Variants in MFSD1 observed in about 807,000 individuals in gnomAD.
MFSD1 encodes major facilitator superfamily domain containing 1.
In MFSD1, 59 loss-of-function variants were observed where a neutral mutation model predicts 67.1. The ratio of observed to expected loss-of-function variants is 0.88; its 90% CI spans 0.71 to 1.09. The LOEUF (loss-of-function observed/expected upper bound fraction) is 1.09, where lower values mean the gene tolerates loss of function less well. Ranked by LOEUF, MFSD1 falls within the 50% of genes least tolerant of loss-of-function variation. MFSD1 has a pLI of 0.00. For missense variants in MFSD1, 552 were observed against 566.1 expected (o/e 0.97, Z 0.25); for synonymous variants, 213 against 200.3 (o/e 1.06, Z -0.54).
At chr3:158,819,960 T>C (rs1015585667) in intron 8 of MFSD1, among the ~76,000 whole-genome samples, 1 of 152,236 alleles carries the variant, frequency 6.6e-6, no homozygotes, top group African/African-American at 2.4e-5. Flanking sequence ...CATTCTCGAT[T>C]GTATATTTGC....
rs370407475 is a variant in MFSD1 at position 158,821,971 on chromosome 3, G to A, written c.921-13G>A. On this transcript the variant is annotated splice_polypyrimidine_tract_variant and intron_variant, in intron 10 of 15. Transcript: ENST00000415822. Reference sequence around the variant, plus strand: ...TTGCATTTCATGAAATGTCTTATGTGTTCTCTGGGCAGTGTTGTATATGTC... The same window carrying A: ...TTGCATTTCATGAAATGTCTTATGTATTCTCTGGGCAGTGTTGTATATGTC... The A allele has an allele frequency of 1.9e-6, 3 of 1,605,708 alleles. No individual in the cohort carries two copies. Among genetic ancestry groups the A allele is most frequent in the Non-Finnish European group, 2.6e-6 (3 of 1,173,210 alleles).
At chr3:158,812,563 T>C (rs1163772338) in intron 6 of MFSD1, among the ~76,000 whole-genome samples, 1 of 152,138 alleles carries the variant, frequency 6.6e-6, no homozygotes, top group African/African-American at 2.4e-5. Flanking sequence ...TCTGACCACT[T>C]CCCACCATGC....
intron 13 of MFSD1, among the ~76,000 whole-genome samples, chr3:158,824,852 T>C (rs1730879523): frequency 6.6e-6 from 1 of 152,222 alleles, no homozygotes; most frequent in South Asian, 2.1e-4. Flanking sequence ...TTTTCATTTA[T>C]AGGGAATAAA....
At chr3:158,804,771 A>T (rs1729639320) in intron 2 of MFSD1, among the ~76,000 whole-genome samples, 1 of 152,158 alleles carries the variant, frequency 6.6e-6, no homozygotes, top group Admixed American at 6.5e-5. Context: ...GTGGATACTG[A>T]TTGCAGAGGA....
chr3:158,803,503 T>C (rs1326859847), intron 1 of MFSD1, among the ~76,000 whole-genome samples: 1 of 151,096 alleles, frequency 6.6e-6, no homozygotes, highest in Non-Finnish European at 1.5e-5. Context: ...AAAAAAATGG[T>C]CCCCACTCAA....
Position 158,820,214 on chromosome 3 carries a change from G to A in MFSD1, c.752-1G>A. On this transcript the variant is annotated splice_acceptor_variant, in intron 8 of 15. Coordinates refer to ENST00000415822, the MANE Select transcript of MFSD1 (RefSeq NM_022736.4). LOFTEE classifies it high-confidence loss of function. ...ATAGTGTCTTCCCTTTCTTCTCTAAGGTGAAGTTATTAAATTAACTGATGT... is the reference window on the plus strand; with the variant it reads ...ATAGTGTCTTCCCTTTCTTCTCTAAAGTGAAGTTATTAAATTAACTGATGT... The A allele has an allele frequency of 6.5e-7, 1 of 1,545,070 alleles. No homozygotes were observed. Among genetic ancestry groups the A allele is most frequent in the Non-Finnish European group, 8.9e-7 (1 of 1,117,794 alleles).
chr3:158,814,658 A>G (rs1730223641), intron 7 of MFSD1, among the ~76,000 whole-genome samples: 1 of 152,206 alleles, frequency 6.6e-6, no homozygotes, highest in Non-Finnish European at 1.5e-5. Flanking sequence ...CATCTCATAC[A>G]TACAAAGAGA....
rs569106693 is a variant in MFSD1 at position 158,821,548 on chromosome 3, CAG to C, written c.864-46_864-45del. 454 of 1,195,252 alleles carry C rather than the reference CAG, an allele frequency of 3.8e-4. No individual in the cohort carries two copies. The African/African-American group carries it at 6.0e-3, about 16-fold the overall frequency. The allele number at this position is 1,195,252 out of a possible 1,614,324, so 74.0% of individuals were successfully genotyped here. On this transcript the variant is annotated intron_variant, in intron 9 of 15. Coordinates refer to ENST00000415822, the MANE Select transcript of MFSD1 (RefSeq NM_022736.4). ...TTTATTCAACTTTATTTTTTGAAAA[CAG>C]AGTAGTTCTCTCTAATGTGCTAATT...
At chr3:158,820,468 T>G in intron 9 of MFSD1, 142 bp downstream of exon 9, 1 of 603,274 alleles carries the variant, frequency 1.7e-6, no homozygotes, top group East Asian at 2.7e-5. Context: ...GATCCTGGGA[T>G]ATACATTTTC....
intron 4 of MFSD1, 101 bp from the exon 5 acceptor site, chr3:158,807,295 A>C: frequency 9.7e-7 from 1 of 1,034,126 alleles, no homozygotes; most frequent in East Asian, 2.4e-5. Context: ...GAGAAATATT[A>C]AAACTATTGT....
Position 158,802,089 on chromosome 3 carries a change from G to T in MFSD1, c.-64G>T, listed in dbSNP as rs573557858. 7 of 1,584,092 alleles carry T rather than the reference G, an allele frequency of 4.4e-6. No homozygotes were observed. The South Asian group carries it at 5.7e-5, about 13-fold the overall frequency. The stretch of plus-strand genomic sequence containing the variant: ...CCGCCGTCTTGACAGTGTTCCACGG[G>T]CGCTGCTTCCTGCCTGGGTTTGGAG... On this transcript the variant is annotated 5_prime_UTR_variant, in exon 1 of 16. Transcript: ENST00000415822.
intron 11 of MFSD1, 52 bp from the exon 12 acceptor site, chr3:158,823,376 T>G (rs1224889191): frequency 8.0e-6 from 10 of 1,250,570 alleles, no homozygotes; most frequent in African/African-American, 1.5e-5. Context: ...TAAAGGAAAA[T>G]CACCTTTTGG....
At chr3:158,812,610 C>G (rs538202588) in intron 6 of MFSD1, among the ~76,000 whole-genome samples, 9 of 152,206 alleles carry the variant, frequency 5.9e-5, no homozygotes, top group Non-Finnish European at 1.3e-4. Context: ...CCAATCATCT[C>G]TGTTCTGGAT....
At chr3:158,824,522 A>G (rs1576915906) in intron 13 of MFSD1, 1 of 257,450 alleles carries the variant, frequency 3.9e-6, no homozygotes, top group South Asian at 7.5e-5. Flanking sequence ...TCCTGAGTAT[A>G]TCCTTAATGT....
chr3:158,805,602 A>G (rs1008606092), intron 3 of MFSD1, 128 bp downstream of exon 3: 1 of 781,534 alleles, frequency 1.3e-6, no homozygotes, highest in East Asian at 2.6e-5. Context: ...TGAGTTTTTT[A>G]AAAAAATGAT....
chr3:158,819,752 G>T lies in MFSD1; in HGVS notation c.751+5G>T, dbSNP rs750135953. 6.5e-7 allele frequency: 1 copy of T among 1,549,964 alleles called. No individual in the cohort carries two copies. The highest frequency in any genetic ancestry group is 8.9e-7 in the Non-Finnish European group (1 of 1,126,852). On this transcript the variant is annotated splice_donor_5th_base_variant and intron_variant, in intron 8 of 15. Transcript: ENST00000415822. ...ATAAAGAACAAGGAAAAACAGGTAA[G>T]TCTAAATGAAAGAATGGGACTTAGG...
chr3:158,818,266 A>T (rs1355459840), intron 7 of MFSD1, among the ~76,000 whole-genome samples: 1 of 152,122 alleles, frequency 6.6e-6, no homozygotes, highest in Non-Finnish European at 1.5e-5. Flanking sequence ...GTACAATTTG[A>T]TGTTTCCATA....
intron 9 of MFSD1, among the ~76,000 whole-genome samples, chr3:158,821,274 A>G (rs1221340989): frequency 6.6e-6 from 1 of 152,240 alleles, no homozygotes; most frequent in African/African-American, 2.4e-5. Flanking sequence ...TTATTTAGCA[A>G]AGAACCCATT....
rs1193944143 is a variant in MFSD1, at chr3:158,829,680, C to T, written c.*698C>T. ...AGTGTCCTTCAAATTATGATAATTG[C>T]CTATGTACATGGATAAATTAAAACA... On this transcript the variant is annotated 3_prime_UTR_variant, in exon 16 of 16. Coordinates refer to ENST00000415822, the MANE Select transcript of MFSD1 (RefSeq NM_022736.4). The T allele has an allele frequency of 6.6e-6, 1 of 152,180 alleles. No individual in the cohort carries two copies. Among genetic ancestry groups the T allele is most frequent in the Non-Finnish European group, 1.5e-5 (1 of 68,024 alleles). The allele number at this position is 152,180 out of a possible 1,614,324, so 9.4% of individuals were successfully genotyped here.
Sources: allele counts gnomAD v4.1 joint callset (sites outside exome capture counted in the v4.1 genomes callset), GRCh38; gene constraint gnomAD v4.1.1; transcripts MANE v1.5; gene names NCBI Gene and HGNC (gene_info 2026-07-23, HGNC 2026-07-21).